Variants in ZDBF2 observed in about 807,000 individuals in gnomAD.
ZDBF2 encodes DBF4-type zinc finger-containing protein 2.
A neutral mutation model predicts 9.4 loss-of-function variants in ZDBF2; 6 were observed. That is an observed-to-expected ratio of 0.64 (90% CI 0.35 to 1.27). The LOEUF (loss-of-function observed/expected upper bound fraction) is 1.27, where lower values mean the gene tolerates loss of function less well. Among genes scored for constraint, ZDBF2 ranks in the 50% most tolerant of loss-of-function variants. ZDBF2 has a pLI of 0.03. For synonymous variants in ZDBF2, 905 were observed against 946.3 expected, an observed-to-expected ratio of 0.96 and a Z score of 0.80; for missense variants, 2,697 against 2,766.8, an observed-to-expected ratio of 0.97 and a Z score of 0.57.
At chr2:206,284,404 C>T (rs1691493071) in intron 3 of ZDBF2, among the ~76,000 whole-genome samples, 1 of 152,046 alleles carries the variant, frequency 6.6e-6, no homozygotes, top group Non-Finnish European at 1.5e-5. Flanking sequence ...AATTAGCATA[C>T]TCATCACCTC....
At chr2:206,286,067 T>TA (rs1299820311) in intron 3 of ZDBF2, among the ~76,000 whole-genome samples, 1 of 152,236 alleles carries the variant, frequency 6.6e-6, no homozygotes, top group African/African-American at 2.4e-5. Flanking sequence ...TCAGAAAAGA[T>TA]ACTTGATATA....
In ZDBF2 at chr2:206,299,161, G is replaced by A. The variant is rs548310668; in HGVS notation, c.188+1788G>A. On this transcript the variant is annotated intron_variant, in intron 4 of 4. Transcript: ENST00000374423. ...CTCCCAAAGTGCTGGGATTACAGGC[G>A]TGAGCCAACACGCCCGGCCACATGC... Among the ~76,000 whole-genome samples the A allele has an allele frequency of 5.3e-5, 8 of 152,098 alleles. No individual in the cohort carries two copies. In the South Asian group the frequency reaches 6.2e-4, roughly 12 times the overall value.
chr2:206,300,637 T>A lies in ZDBF2; in HGVS notation c.188+3264T>A, dbSNP rs189988366. ...CTGCCAAGTTACTCCACTGTGAAGT[T>A]ACTGTTTTTCCTAATTAATAAGGAT... On this transcript the variant is annotated intron_variant, in intron 4 of 4. Coordinates refer to ENST00000374423, the MANE Select transcript of ZDBF2 (RefSeq NM_020923.3). 1.1e-3 allele frequency among the ~76,000 whole-genome samples: 168 copies of A among 152,286 alleles called. 1 individual carries two copies. Among genetic ancestry groups the A allele is most frequent in the African/African-American group, 3.9e-3 (164 of 41,566 alleles).
At chr2:206,300,169 C>A (rs1472066592) in intron 4 of ZDBF2, among the ~76,000 whole-genome samples, 1 of 152,030 alleles carries the variant, frequency 6.6e-6, no homozygotes, top group Non-Finnish European at 1.5e-5. Flanking sequence ...TCAGAGGGAG[C>A]CAGTTTTAAA....
intron 1 of ZDBF2, 51 bp downstream of exon 1, chr2:206,274,997 G>C (rs1200177600): frequency 6.7e-6 from 1 of 149,730 alleles, no homozygotes; most frequent in African/African-American, 2.4e-5. Flanking sequence ...CCCGCGGGCG[G>C]GGCCTGCTCG....
At position 206,311,232 on chromosome 2, in the gene ZDBF2, G is replaced by A. The variant is rs751972875; in HGVS notation, c.6704G>A (p.Arg2235His). The A allele has an allele frequency of 3.4e-5, 55 of 1,611,332 alleles. No individual in the cohort carries two copies. The highest frequency in any genetic ancestry group is 8.9e-5 in the East Asian group (4 of 44,890). The change falls in exon 5 of 5, where the codon CGT becomes CAT. Residue 2235 changes from arginine (R) to histidine (H), a missense_variant. Arg to His is a conservative substitution (Grantham distance 29). This residue lies in a region of ZDBF2 where 1,783 missense variants were observed against 1,776.5 expected (regional missense o/e 1.00). Transcript: ENST00000374423. ...ATTTCGAAATACTCTGTCTTTTTACGTCATAGATATCAGTCCAGGAGCGCT... is the reference window on the plus strand; with the variant it reads ...ATTTCGAAATACTCTGTCTTTTTACATCATAGATATCAGTCCAGGAGCGCT... ...KYISKYSVFL[R>H]HRYQSRSAFL...
Position 206,307,998 on chromosome 2 carries a change from G to T in ZDBF2, c.3470G>T (p.Cys1157Phe). Residue 1157 changes from cysteine to phenylalanine, a missense_variant, in exon 5 of 5, where the codon TGT becomes TTT. By Grantham distance (205) the Cys-to-Phe change is radical. Coordinates refer to ENST00000374423, the MANE Select transcript of ZDBF2 (RefSeq NM_020923.3). Reference sequence around the variant, plus strand: ...GAAGTTAAGAACAGCCAATATAGTTGTTCAGAAATGAATTTGGATTCTGGT... The same window carrying T: ...GAAGTTAAGAACAGCCAATATAGTTTTTCAGAAATGAATTTGGATTCTGGT... ...YLEVKNSQYS[C>F]SEMNLDSGFL... 1 of 1,613,840 alleles carries T rather than the reference G, an allele frequency of 6.2e-7. No individual in the cohort carries two copies. Among genetic ancestry groups the T allele is most frequent in the Non-Finnish European group, 8.5e-7 (1 of 1,179,818 alleles).
intron 4 of ZDBF2, among the ~76,000 whole-genome samples, chr2:206,300,288 C>G (rs190466170): frequency 1.3e-3 from 198 of 152,284 alleles, no homozygotes; most frequent in Non-Finnish European, 2.5e-3. Context: ...ATTTCTTGGA[C>G]CAGGAACCAG....
chr2:206,296,530 A>G (rs191933573), intron 3 of ZDBF2, among the ~76,000 whole-genome samples: 2 of 152,334 alleles, frequency 1.3e-5, no homozygotes, highest in Non-Finnish European at 2.9e-5. Context: ...TATCATAGGT[A>G]TGTAAGGAAA....
Position 206,310,660 on chromosome 2 carries a change from A to G in ZDBF2, c.6132A>G (p.Lys2044=), listed in dbSNP as rs770329610. 23 of 1,610,680 alleles carry G rather than the reference A, an allele frequency of 1.4e-5. No individual in the cohort carries two copies. The East Asian group carries it at 4.7e-4, about 33-fold the overall frequency. ...SWDNDIRFIC[K]YKRNIFDYYE... Reference sequence around the variant, plus strand: ...ATAATGATATTCGGTTTATATGCAAATATAAACGGAATATCTTTGATTATT... The same window carrying G: ...ATAATGATATTCGGTTTATATGCAAGTATAAACGGAATATCTTTGATTATT... Residue 2044 remains lysine, a synonymous_variant, in exon 5 of 5, where the codon AAA becomes AAG. Transcript: ENST00000374423.
intron 3 of ZDBF2, among the ~76,000 whole-genome samples, chr2:206,288,168 A>G (rs1196810663): frequency 2.6e-5 from 4 of 152,132 alleles, no homozygotes; most frequent in Non-Finnish European, 5.9e-5. Context: ...CATCTGGTGG[A>G]ACAGTTACTT....
chr2:206,308,768 T>C lies in ZDBF2; in HGVS notation c.4240T>C (p.Ser1414Pro). The change falls in exon 5 of 5, where the codon TCT becomes CCT. Residue 1414 changes from serine to proline, a missense_variant. Around this residue, in one of 3 missense-constraint regions of ZDBF2, gnomAD observed 1,783 missense variants for 1,776.5 expected, o/e 1.00. Transcript: ENST00000374423. ...AGGTGATTTTGATGTAAGTTATGCT[T>C]CTCATATTCCTGTTCAGTTTGTGAC... ...KLGDFDVSYA[S>P]HIPVQFVTDQ... The C allele has an allele frequency of 6.2e-7, 1 of 1,613,758 alleles. No individual in the cohort carries two copies. The highest frequency in any genetic ancestry group is 1.1e-5 in the South Asian group (1 of 91,044).
chr2:206,295,301 G>C (rs1032812744), intron 3 of ZDBF2, among the ~76,000 whole-genome samples: 1 of 151,306 alleles, frequency 6.6e-6, no homozygotes, highest in Non-Finnish European at 1.5e-5. Flanking sequence ...TCCTGGCCTT[G>C]CTGTTTGCTC....
In ZDBF2 at chr2:206,312,011, TTAAA is replaced by T. The variant is rs1230468155; in HGVS notation, c.*420_*423del. On this transcript the variant is annotated 3_prime_UTR_variant, in exon 5 of 5. Transcript: ENST00000374423. ...ATGTCAACTTTTGAATGGGGTTGAC[TTAAA>T]TGAATACAAACAAAATATAAGTTTT... 1 of 152,666 alleles carries T rather than the reference TTAAA, an allele frequency of 6.6e-6. No individual in the cohort carries two copies. The highest frequency in any genetic ancestry group is 2.4e-5 in the African/African-American group (1 of 41,486). 9.5% of individuals were successfully genotyped at this position (152,666 alleles called of 1,614,324 possible). A position where few individuals can be genotyped will look rare whatever the true frequency, so the allele number is the denominator to read the frequency against.
intron 3 of ZDBF2, among the ~76,000 whole-genome samples, chr2:206,289,478 ACTT>A (rs56164914): frequency 0.5 from 75,920 of 151,566 alleles, 20,176 homozygotes; most frequent in Non-Finnish European, 0.6. Flanking sequence ...AAGTGGCTTC[ACTT>A]CTTCTTGGTT....
Position 206,305,187 on chromosome 2 carries a change from A to G in ZDBF2, c.659A>G (p.Asp220Gly), listed in dbSNP as rs148296347. 3.2e-4 allele frequency: 518 copies of G among 1,613,870 alleles called. 1 individual carries two copies. In the African/African-American group the frequency reaches 5.9e-3, roughly 18 times the overall value. The stretch of plus-strand genomic sequence containing the variant: ...CATTTGGATTCAGTTAGCAAATGTG[A>G]CCCAAACAAAGTTGAGAAATATCTT... Reference protein sequence around the residue: ...AAHLDSVSKCDPNKVEKYLEQ... With the variant: ...AAHLDSVSKCGPNKVEKYLEQ... Residue 220 changes from aspartate to glycine, a missense_variant, in exon 5 of 5, where the codon GAC becomes GGC. By Grantham distance (94) the Asp-to-Gly change is moderately conservative. This residue lies in a region of ZDBF2 where 910 missense variants were observed against 973.6 expected (regional missense o/e 0.93). Coordinates refer to ENST00000374423, the MANE Select transcript of ZDBF2 (RefSeq NM_020923.3).
chr2:206,305,086 T>C lies in ZDBF2; in HGVS notation c.558T>C (p.Ala186=). The C allele has an allele frequency of 1.2e-6, 2 of 1,613,820 alleles. No homozygotes were observed. Among genetic ancestry groups the C allele is most frequent in the Non-Finnish European group, 1.7e-6 (2 of 1,179,804 alleles). ...TACGCCCCCCAGTGATTTGTAATGC[T>C]CCTGCTAGTTGTTTACCTGAAAGCT... ...NLVRPPVICN[A]PASCLPESSN... The change falls in exon 5 of 5, where the codon GCT becomes GCC. Residue 186 remains alanine, a synonymous_variant. Coordinates refer to ENST00000374423, the MANE Select transcript of ZDBF2 (RefSeq NM_020923.3).
At position 206,313,972 on chromosome 2, in the gene ZDBF2, A is replaced by G. The variant is rs904068547; in HGVS notation, c.*2379A>G. 6.6e-6 allele frequency: 1 copy of G among 152,180 alleles called. No homozygotes were observed. The highest frequency in any genetic ancestry group is 2.4e-5 in the African/African-American group (1 of 41,464). The allele number at this position is 152,180 out of a possible 1,614,324, so 9.4% of individuals were successfully genotyped here. ...AATTAAATTGGAAATTACTTTCAGA[A>G]TTTGGTAGTATACAAGATGTGCCCC... On this transcript the variant is annotated 3_prime_UTR_variant, in exon 5 of 5. Transcript: ENST00000374423.
At chr2:206,284,052 C>T (rs941455088) in intron 3 of ZDBF2, among the ~76,000 whole-genome samples, 1 of 152,096 alleles carries the variant, frequency 6.6e-6, no homozygotes, top group African/African-American at 2.4e-5. Context: ...AGAAGGGTTG[C>T]CTAATCTCAG....
Sources: gnomAD v4.1 joint callset for allele counts (sites outside exome capture counted in the v4.1 genomes callset) on GRCh38, gnomAD v4.1.1 for gene constraint, gnomAD v4.1.1 regional missense constraint, MANE v1.5 for transcripts, NCBI Gene and HGNC (gene_info 2026-07-23, HGNC 2026-07-21) for gene names.